Variants in EVI5 observed in about 807,000 individuals in gnomAD.
The protein encoded by EVI5 is ecotropic viral integration site 5.
In EVI5, 73 loss-of-function variants were observed where a neutral mutation model predicts 112.0. The observed-to-expected ratio is 0.65, with a 90% confidence interval of 0.54 to 0.79. The LOEUF is 0.79. EVI5 is among the 30% of genes least tolerant of loss of function. The probability of loss-of-function intolerance (pLI) is 0.00; values close to 1 mark genes in which losing one functional copy is unlikely to be tolerated. For missense variants in EVI5, 900 were observed against 968.8 expected, an observed-to-expected ratio of 0.93 and a Z score of 0.94; for synonymous variants, 305 against 319.9, an observed-to-expected ratio of 0.95 and a Z score of 0.50.
At chr1:92,720,371 G>T (rs540658449) in intron 2 of EVI5, among the ~76,000 whole-genome samples, 4 of 151,688 alleles carry the variant, frequency 2.6e-5, no homozygotes, top group African/African-American at 4.9e-5. Flanking sequence ...AAATAACACC[G>T]CACATCTACA....
chr1:92,671,692 C>T (rs1665903421), intron 10 of EVI5, among the ~76,000 whole-genome samples: 1 of 152,082 alleles, frequency 6.6e-6, no homozygotes, highest in Non-Finnish European at 1.5e-5. Flanking sequence ...CTGCTCAGAC[C>T]ACAAGGCTTG....
At chr1:92,687,424 A>C (rs4000726) in intron 9 of EVI5, among the ~76,000 whole-genome samples, 139,531 of 151,630 alleles carry the variant, frequency 0.92, 64,289 homozygotes, top group East Asian at 0.97. Context: ...TTAGACCTAA[A>C]ACCATAAAAA....
chr1:92,523,365 A>C (rs1424772183), intron 19 of EVI5, among the ~76,000 whole-genome samples: 1 of 152,132 alleles, frequency 6.6e-6, no homozygotes, highest in Non-Finnish European at 1.5e-5. Flanking sequence ...GAAGCAAATG[A>C]AAAAGGATTT....
chr1:92,569,437 T>C (rs1669972011), intron 18 of EVI5, among the ~76,000 whole-genome samples: 1 of 152,206 alleles, frequency 6.6e-6, no homozygotes, highest in Non-Finnish European at 1.5e-5. Context: ...GAATTGAAGA[T>C]GAAATGCTAC....
chr1:92,614,844 A>G (rs67858765), intron 16 of EVI5, among the ~76,000 whole-genome samples: 134,706 of 144,312 alleles, frequency 0.93, 62,749 homozygotes, highest in East Asian at 0.97. Context: ...TATATTTTAT[A>G]TATATATATA....
intron 16 of EVI5, among the ~76,000 whole-genome samples, chr1:92,608,137 C>T (rs1409867506): frequency 2.0e-5 from 3 of 148,334 alleles, no homozygotes; most frequent in East Asian, 2.0e-4. Context: ...GGCGACAGAG[C>T]GAGACTCCGT....
At chr1:92,519,512 A>C (rs1431340874) in intron 19 of EVI5, among the ~76,000 whole-genome samples, 2 of 152,200 alleles carry the variant, frequency 1.3e-5, no homozygotes, top group Admixed American at 1.3e-4. Flanking sequence ...TACCAGCAAA[A>C]CACTCACATT....
chr1:92,572,653 GGAAT>G (rs1158211297), intron 18 of EVI5, among the ~76,000 whole-genome samples: 1 of 152,038 alleles, frequency 6.6e-6, no homozygotes. Context: ...TGATAGGATT[GGAAT>G]GATACCACCC....
intron 17 of EVI5, among the ~76,000 whole-genome samples, chr1:92,605,944 G>C (rs183860193): frequency 5.9e-5 from 9 of 152,140 alleles, no homozygotes; most frequent in African/African-American, 2.2e-4. Context: ...CTTTGTTCCC[G>C]AATTATTCCA....
In EVI5 at chr1:92,607,724, G is replaced by A; in HGVS notation, c.1831C>T (p.Gln611Ter). The A allele has an allele frequency of 6.3e-7, 1 of 1,582,348 alleles. No individual in the cohort carries two copies. Among genetic ancestry groups the A allele is most frequent in the Non-Finnish European group, 8.6e-7 (1 of 1,168,002 alleles). ...QRMMEMETQN[Q>*]INSNHLRRAE... Reference sequence around the variant, plus strand: ...CTTCGAAGATGGTTACTATTGATCTGGTTCTAATAATCAGAAATATAAATA... The same window carrying A: ...CTTCGAAGATGGTTACTATTGATCTAGTTCTAATAATCAGAAATATAAATA... Residue 611 changes from glutamine (Q) to a stop codon, truncating the protein, a stop_gained, in exon 17 of 20, where the codon CAG (glutamine) becomes TAG (stop). Transcript: ENST00000684568. LOFTEE classifies it high-confidence loss of function.
chr1:92,729,441 C>G (rs1468730505), intron 2 of EVI5, among the ~76,000 whole-genome samples: 1 of 152,166 alleles, frequency 6.6e-6, no homozygotes, highest in Non-Finnish European at 1.5e-5. Flanking sequence ...ACAGACATTA[C>G]AAGGTGACAA....
At chr1:92,592,548 A>G (rs1015876831) in intron 18 of EVI5, among the ~76,000 whole-genome samples, 1 of 152,228 alleles carries the variant, frequency 6.6e-6, no homozygotes, top group African/African-American at 2.4e-5. Flanking sequence ...AAACTAGCAG[A>G]AGGCAAGAAA....
chr1:92,616,792 C>T (rs964956864), intron 16 of EVI5, among the ~76,000 whole-genome samples: 2 of 152,126 alleles, frequency 1.3e-5, no homozygotes, highest in Non-Finnish European at 2.9e-5. Context: ...CATGAAGTGA[C>T]TATGGGTCAT....
chr1:92,687,687 T>G (rs999446964), intron 9 of EVI5, among the ~76,000 whole-genome samples: 1 of 152,050 alleles, frequency 6.6e-6, no homozygotes, highest in Non-Finnish European at 1.5e-5. Context: ...CTTAAACAAA[T>G]TTACAAGAAA....
chr1:92,534,105 C>CA (rs1436066993), intron 19 of EVI5, among the ~76,000 whole-genome samples: 3 of 151,920 alleles, frequency 2.0e-5, no homozygotes, highest in East Asian at 1.9e-4. Flanking sequence ...AATCAATGTG[C>CA]AAAAAATCAC....
At position 92,688,096 on chromosome 1, in the gene EVI5, C is replaced by T. The variant is rs546022299; in HGVS notation, c.1097+5706G>A. 6.0e-4 allele frequency among the ~76,000 whole-genome samples: 92 copies of T among 152,178 alleles called. 2 individuals are homozygous for T. Among genetic ancestry groups the T allele is most frequent in the East Asian group, 1.5e-3 (8 of 5,172 alleles). On this transcript the variant is annotated intron_variant, in intron 9 of 19. Transcript: ENST00000684568. The stretch of plus-strand genomic sequence containing the variant: ...GACACATGCACATGTATATTTATTG[C>T]GGCACTATTTACAATAGCAAAGACT...
intron 16 of EVI5, among the ~76,000 whole-genome samples, chr1:92,618,800 CCTT>C (rs758685789): frequency 2.6e-4 from 40 of 152,316 alleles, no homozygotes; most frequent in Non-Finnish European, 4.3e-4. Context: ...AGTATTTCCT[CCTT>C]CTTTTGTTAA....
chr1:92,580,808 T>C (rs1189907433), intron 18 of EVI5: 1 of 154,240 alleles, frequency 6.5e-6, no homozygotes, highest in African/African-American at 2.4e-5. Context: ...AAGATATGTC[T>C]ATACAAGGCC....
rs1571889071 is a variant in EVI5, at chr1:92,613,418, C to T, written c.1828-5691G>A. Among the ~76,000 whole-genome samples, 3 of 152,274 alleles carry T rather than the reference C, an allele frequency of 2.0e-5. No homozygotes were observed. The East Asian group carries it at 5.8e-4, about 29-fold the overall frequency. ...GGTTCAAGTGATTCTCCTCCCTCAG[C>T]CTCCCAAGTAGCTGTGATTACAGGC... is the stretch of plus-strand genomic sequence containing the variant. On this transcript the variant is annotated intron_variant, in intron 16 of 19. Transcript: ENST00000684568.
Sources: allele counts gnomAD v4.1 joint callset (sites outside exome capture counted in the v4.1 genomes callset), GRCh38; gene constraint gnomAD v4.1.1; transcripts MANE v1.5; gene names NCBI Gene and HGNC (gene_info 2026-07-23, HGNC 2026-07-21).